The following BCAS1 variants were observed in gnomAD, a reference collection of about 807,000 sequenced individuals.
BCAS1 encodes brain enriched myelin associated protein 1, also known as breast carcinoma-amplified sequence 1.
A neutral mutation model predicts 65.4 loss-of-function variants in BCAS1; 46 were observed. That is an observed-to-expected ratio of 0.70 (90% CI 0.55 to 0.90). The LOEUF is 0.90. BCAS1 is among the 40% of genes least tolerant of loss of function. BCAS1 has a pLI of 0.00. For missense variants in BCAS1, 793 were observed against 771.2 expected, an observed-to-expected ratio of 1.03 and a Z score of -0.33; for synonymous variants, 298 against 293.5, an observed-to-expected ratio of 1.02 and a Z score of -0.16.
intron 4 of BCAS1, among the ~76,000 whole-genome samples, chr20:54,019,821 G>A (rs1568884418): frequency 6.6e-6 from 1 of 152,150 alleles, no homozygotes; most frequent in Non-Finnish European, 1.5e-5. Context: ...TTACACCAGT[G>A]GTTTGCCAGG....
chr20:53,979,288 A>G (rs2090417493), intron 8 of BCAS1, among the ~76,000 whole-genome samples: 1 of 152,216 alleles, frequency 6.6e-6, no homozygotes, highest in Non-Finnish European at 1.5e-5. Context: ...TAAGAACTCC[A>G]GAATCAGCAA....
intron 3 of BCAS1, among the ~76,000 whole-genome samples, chr20:54,030,740 G>A (rs1248836193): frequency 6.6e-6 from 1 of 151,372 alleles, no homozygotes. Flanking sequence ...TGAAGAAATG[G>A]TCTGGGGCAA....
chr20:53,946,701 G>A (rs1600674429), intron 12 of BCAS1, among the ~76,000 whole-genome samples: 2 of 150,108 alleles, frequency 1.3e-5, no homozygotes, highest in East Asian at 3.9e-4. Flanking sequence ...CTATAGCACA[G>A]TATAGTTTAG....
Position 54,028,477 on chromosome 20 carries a change from T to C in BCAS1, c.638A>G (p.Gln213Arg). Reference protein sequence around the residue: ...GQEKVPGDSQQEAKRAEHQDK... With the variant: ...GQEKVPGDSQREAKRAEHQDK... ...TTGATGCTCTGCCCTCTTGGCTTCCTGTTGGCTGTCACCTGGCACCTTTTC... is the reference window on the plus strand; with the variant it reads ...TTGATGCTCTGCCCTCTTGGCTTCCCGTTGGCTGTCACCTGGCACCTTTTC... Residue 213 changes from glutamine (Q) to arginine (R), a missense_variant, in exon 4 of 13, where the codon CAG becomes CGG. Coordinates refer to ENST00000688948, the MANE Select transcript of BCAS1 (RefSeq NM_001366298.2). The C allele has an allele frequency of 6.2e-7, 1 of 1,614,210 alleles. No individual in the cohort carries two copies. The highest frequency in any genetic ancestry group is 8.5e-7 in the Non-Finnish European group (1 of 1,180,030).
intron 9 of BCAS1, among the ~76,000 whole-genome samples, chr20:53,969,857 G>A (rs944357345): frequency 2.0e-5 from 3 of 152,030 alleles, no homozygotes; most frequent in African/African-American, 7.2e-5. Context: ...CCTACCTCAG[G>A]GTACCTAAAT....
intron 3 of BCAS1, among the ~76,000 whole-genome samples, chr20:54,049,872 G>T (rs139613225): frequency 4.6e-5 from 7 of 152,290 alleles, no homozygotes; most frequent in Admixed American, 4.6e-4. Context: ...CTAGTGAGTG[G>T]CAGAGCCAAA....
intron 3 of BCAS1, among the ~76,000 whole-genome samples, chr20:54,030,071 C>T (rs1386597159): frequency 6.6e-6 from 1 of 152,154 alleles, no homozygotes; most frequent in Non-Finnish European, 1.5e-5. Context: ...AGGCTCCAAC[C>T]CCTCCAGGCA....
At chr20:53,971,013 A>G (rs1006983823) in intron 9 of BCAS1, among the ~76,000 whole-genome samples, 10 of 152,110 alleles carry the variant, frequency 6.6e-5, no homozygotes, top group African/African-American at 2.4e-4. Context: ...CTTCAAGACT[A>G]TGTAATTTGG....
chr20:54,060,613 C>T (rs1004488935), intron 1 of BCAS1, among the ~76,000 whole-genome samples: 41 of 152,072 alleles, frequency 2.7e-4, no homozygotes, highest in African/African-American at 9.4e-4. Flanking sequence ...TGAGCCACTG[C>T]GCCTGGTCGA....
chr20:53,948,059 G>C (rs1047649645), intron 12 of BCAS1, among the ~76,000 whole-genome samples: 28 of 152,148 alleles, frequency 1.8e-4, no homozygotes, highest in African/African-American at 6.8e-4. Flanking sequence ...TTCAAGTCCA[G>C]GAACAAGCTT....
intron 4 of BCAS1, among the ~76,000 whole-genome samples, chr20:54,008,226 C>G (rs527893435): frequency 6.6e-6 from 1 of 152,296 alleles, no homozygotes; most frequent in Admixed American, 6.5e-5. Flanking sequence ...TATCCCAATA[C>G]CCCTGCAAGA....
At chr20:53,983,924 A>C (rs2090548912) in intron 8 of BCAS1, among the ~76,000 whole-genome samples, 1 of 150,950 alleles carries the variant, frequency 6.6e-6, no homozygotes, top group South Asian at 2.1e-4. Context: ...CCTCCAATAA[A>C]TCTCTTGCAC....
chr20:54,059,489 G>A (rs923182781), intron 1 of BCAS1, among the ~76,000 whole-genome samples: 3 of 130,388 alleles, frequency 2.3e-5, no homozygotes, highest in Non-Finnish European at 5.0e-5. Flanking sequence ...TTACACTACG[G>A]CCTTTTTTTT....
intron 5 of BCAS1, among the ~76,000 whole-genome samples, chr20:53,995,612 A>G (rs2090886962): frequency 6.6e-6 from 1 of 152,158 alleles, no homozygotes; most frequent in Non-Finnish European, 1.5e-5. Flanking sequence ...TGAACATAAG[A>G]CATTCAATTG....
At chr20:54,051,888 G>A (rs769675411) in intron 3 of BCAS1, among the ~76,000 whole-genome samples, 55 of 152,068 alleles carry the variant, frequency 3.6e-4, no homozygotes, top group Admixed American at 2.0e-3. Context: ...ACAGACGTGT[G>A]TCACCACGCC....
At chr20:54,026,182 T>C (rs190797529) in intron 4 of BCAS1, among the ~76,000 whole-genome samples, 3 of 152,366 alleles carry the variant, frequency 2.0e-5, no homozygotes, top group Admixed American at 6.5e-5. Flanking sequence ...TCTTGGGTCT[T>C]CTGAGAGATC....
chr20:53,951,865 A>C (rs1278429715), intron 12 of BCAS1, among the ~76,000 whole-genome samples: 2 of 152,274 alleles, frequency 1.3e-5, no homozygotes, highest in African/African-American at 2.4e-5. Context: ...AGAAAGAAGA[A>C]GCTAATAAGG....
intron 11 of BCAS1, among the ~76,000 whole-genome samples, 168 bp downstream of exon 11, chr20:53,957,264 C>T (rs530074141): frequency 6.6e-6 from 1 of 152,310 alleles, no homozygotes; most frequent in Non-Finnish European, 1.5e-5. Flanking sequence ...CTAGCTTGTT[C>T]ATGCTTGTGT....
At chr20:53,945,739 G>A (rs2089292912) in intron 12 of BCAS1, among the ~76,000 whole-genome samples, 1 of 152,188 alleles carries the variant, frequency 6.6e-6, no homozygotes, top group South Asian at 2.1e-4. Context: ...TTGACTGAAT[G>A]TGGGTGAAGG....
Sources: allele counts gnomAD v4.1 joint callset (sites outside exome capture counted in the v4.1 genomes callset), GRCh38; gene constraint gnomAD v4.1.1; transcripts MANE v1.5; gene names NCBI Gene and HGNC (gene_info 2026-07-23, HGNC 2026-07-21).